TRAPPC9: variants seen among roughly 807,000 people sequenced by gnomAD.
TRAPPC9 encodes IKK2 binding protein.
TRAPPC9 carries 83 observed loss-of-function variants against 124.0 expected under a neutral mutation model. The observed-to-expected ratio is 0.67, with a 90% CI of 0.56 to 0.80. The LOEUF is 0.80. Among genes scored for constraint, TRAPPC9 ranks in the 30% least tolerant of loss-of-function variants. TRAPPC9 has a pLI of 0.00. For missense variants in TRAPPC9, 1,302 were observed against 1,508.3 expected, an observed-to-expected ratio of 0.86 and a Z score of 2.27; for synonymous variants, 638 against 617.5, an observed-to-expected ratio of 1.03 and a Z score of -0.49.
chr8:140,194,387 T>C (rs2062583908), intron 17 of TRAPPC9, among the ~76,000 whole-genome samples: 1 of 152,184 alleles, frequency 6.6e-6, no homozygotes, highest in Non-Finnish European at 1.5e-5. Flanking sequence ...CTGTATAACT[T>C]ACTCTCTAGA....
intron 19 of TRAPPC9, among the ~76,000 whole-genome samples, chr8:139,934,337 G>A (rs572524673): frequency 1.2e-4 from 19 of 152,258 alleles, no homozygotes; most frequent in African/African-American, 2.4e-4. Flanking sequence ...CAGCAGGAGC[G>A]TGCACAGGCT....
intron 19 of TRAPPC9, among the ~76,000 whole-genome samples, chr8:139,938,670 G>A (rs1167389273): frequency 6.0e-5 from 9 of 150,112 alleles, no homozygotes; most frequent in Non-Finnish European, 1.2e-4. Flanking sequence ...ACGGAGTCTC[G>A]CTCTGTCGCC....
intron 5 of TRAPPC9, among the ~76,000 whole-genome samples, chr8:140,426,384 C>T (rs537420226): frequency 7.9e-5 from 12 of 152,320 alleles, no homozygotes; most frequent in African/African-American, 2.9e-4. Flanking sequence ...TTCACTTAGC[C>T]ATGCTAGAGG....
chr8:139,885,855 G>A (rs1476897737), intron 21 of TRAPPC9, 24 bp downstream of exon 21: 3 of 1,548,412 alleles, frequency 1.9e-6, no homozygotes, highest in East Asian at 4.9e-5. Flanking sequence ...ACCCAGAATC[G>A]ATGGGTGGCT....
intron 11 of TRAPPC9, among the ~76,000 whole-genome samples, chr8:140,294,852 C>T (rs986552327): frequency 6.6e-6 from 1 of 152,000 alleles, no homozygotes; most frequent in African/African-American, 2.4e-5. Flanking sequence ...CTCAACTAAT[C>T]CCCCCCACCT....
At chr8:140,083,459 C>T (rs529929394) in intron 17 of TRAPPC9, among the ~76,000 whole-genome samples, 14 of 152,066 alleles carry the variant, frequency 9.2e-5, no homozygotes, top group African/African-American at 2.9e-4. Flanking sequence ...TAAGGTAGAG[C>T]GCAGAAACGC....
chr8:139,744,795 T>C (rs1051799466), intron 21 of TRAPPC9, among the ~76,000 whole-genome samples: 3 of 152,258 alleles, frequency 2.0e-5, no homozygotes, highest in African/African-American at 7.2e-5. Context: ...GAACAGCTCC[T>C]GAGGAGCTGT....
chr8:139,888,849 C>A (rs1830171433), intron 20 of TRAPPC9, among the ~76,000 whole-genome samples: 1 of 152,216 alleles, frequency 6.6e-6, no homozygotes, highest in Admixed American at 6.5e-5. Flanking sequence ...AGTTAACAGG[C>A]AGCTATCTGA....
At chr8:139,815,983 C>T (rs1453590627) in intron 21 of TRAPPC9, among the ~76,000 whole-genome samples, 3 of 152,186 alleles carry the variant, frequency 2.0e-5, no homozygotes, top group South Asian at 4.1e-4. Context: ...CAGTGAGTGA[C>T]GGAGCCAGGC....
intron 9 of TRAPPC9, among the ~76,000 whole-genome samples, chr8:140,333,372 T>C (rs1020677067): frequency 1.3e-5 from 2 of 152,288 alleles, no homozygotes; most frequent in East Asian, 1.9e-4. Flanking sequence ...GATATAGATA[T>C]AGATACATAG....
chr8:140,039,375 T>A (rs796327020), intron 17 of TRAPPC9, among the ~76,000 whole-genome samples: 19 of 152,336 alleles, frequency 1.2e-4, no homozygotes, highest in African/African-American at 4.6e-4. Context: ...CAGGTTTACG[T>A]TTGGGAGCTG....
chr8:139,800,121 T>G (rs1051062094), intron 21 of TRAPPC9, among the ~76,000 whole-genome samples: 3 of 152,262 alleles, frequency 2.0e-5, no homozygotes, highest in Admixed American at 6.5e-5. Flanking sequence ...GGCATTGTAC[T>G]GGACGGGCCA....
At chr8:140,020,805 T>G (rs377259946) in intron 18 of TRAPPC9, among the ~76,000 whole-genome samples, 4 of 152,336 alleles carry the variant, frequency 2.6e-5, no homozygotes, top group African/African-American at 9.6e-5. Flanking sequence ...AGTATGTCAG[T>G]TTTACTATGA....
intron 7 of TRAPPC9, among the ~76,000 whole-genome samples, chr8:140,377,010 G>A (rs2068460764): frequency 1.3e-5 from 2 of 152,112 alleles, no homozygotes; most frequent in African/African-American, 2.4e-5. Flanking sequence ...CCACATGCTA[G>A]AGGAAGGACA....
intron 18 of TRAPPC9, among the ~76,000 whole-genome samples, chr8:140,012,183 T>A (rs1839183310): frequency 6.6e-6 from 1 of 152,198 alleles, no homozygotes; most frequent in African/African-American, 2.4e-5. Context: ...AAACGTATTA[T>A]TTTATATAAT....
chr8:139,764,757 C>T (rs988054487), intron 21 of TRAPPC9, among the ~76,000 whole-genome samples: 17 of 152,240 alleles, frequency 1.1e-4, no homozygotes, highest in East Asian at 9.7e-4. Context: ...ATCAGTGAGG[C>T]GACCGGCTAG....
intron 19 of TRAPPC9, among the ~76,000 whole-genome samples, chr8:139,978,518 A>G (rs1166882006): frequency 1.3e-5 from 2 of 152,222 alleles, no homozygotes; most frequent in Non-Finnish European, 2.9e-5. Flanking sequence ...GATTGATTGG[A>G]TCTGCTTCAA....
At chr8:139,752,002 CATCT>C (rs1293046338) in intron 21 of TRAPPC9, among the ~76,000 whole-genome samples, 1 of 151,472 alleles carries the variant, frequency 6.6e-6, no homozygotes, top group Admixed American at 6.6e-5. Flanking sequence ...GTCTACCATC[CATCT>C]ATCCATCCAT....
intron 21 of TRAPPC9, among the ~76,000 whole-genome samples, chr8:139,859,136 C>G (rs1174233437): frequency 2.0e-5 from 3 of 151,848 alleles, no homozygotes; most frequent in Non-Finnish European, 4.4e-5. Context: ...TCCAGCCCCC[C>G]GGTTTCTGGC....
Sources: allele counts gnomAD v4.1 joint callset (sites outside exome capture counted in the v4.1 genomes callset), GRCh38; gene constraint gnomAD v4.1.1; transcripts MANE v1.5; gene names NCBI Gene and HGNC (gene_info 2026-07-23, HGNC 2026-07-21).